ZNF470: variants seen among roughly 807,000 people sequenced by gnomAD.
The protein encoded by ZNF470 is zinc finger protein 470.
ZNF470 carries 13 observed loss-of-function variants against 13.9 expected under a neutral mutation model. The observed-to-expected ratio is 0.94, with a 90% confidence interval of 0.61 to 1.49. The LOEUF (loss-of-function observed/expected upper bound fraction) is 1.49. Ranked by LOEUF, ZNF470 falls within the 40% of genes most tolerant of loss-of-function variation. ZNF470 has a pLI of 0.00. For synonymous variants in ZNF470, 293 were observed against 282.9 expected (o/e 1.04, Z -0.36); for missense variants, 929 against 857.3 (o/e 1.08, Z -1.04).
At position 56,567,482 on chromosome 19, in the gene ZNF470, C is replaced by G. The variant is rs2044418910; in HGVS notation, c.-715C>G. On this transcript the variant is annotated 5_prime_UTR_variant, in exon 1 of 6. Coordinates refer to ENST00000330619, the MANE Select transcript of ZNF470 (RefSeq NM_001001668.4). ...AGGACACGCCCACTTCCGGAAAGGA[C>G]CCAAAGCCGGGCGAGTGCACGTCCC... 1.0e-6 allele frequency: 1 copy of G among 985,822 alleles called. No homozygotes were observed. The highest frequency in any genetic ancestry group is 4.7e-5 in the South Asian group (1 of 21,322). 61.1% of individuals were successfully genotyped at this position (985,822 alleles called of 1,614,324 possible).
In ZNF470 at chr19:56,579,391, C is replaced by G; in HGVS notation, c.*808C>G. ...GAGTCATGATCACACCACTGCAATT[C>G]CAGCTGGGCAGCAGAGCCAGACACT... On this transcript the variant is annotated 3_prime_UTR_variant, in exon 6 of 6. Coordinates refer to ENST00000330619, the MANE Select transcript of ZNF470 (RefSeq NM_001001668.4). 6 of 960,476 alleles carry G rather than the reference C, an allele frequency of 6.2e-6. No individual in the cohort carries two copies. The highest frequency in any genetic ancestry group is 1.8e-5 in the African/African-American group (1 of 56,850). 59.5% of individuals were successfully genotyped at this position (960,476 alleles called of 1,614,324 possible).
At chr19:56,573,855 C>A in intron 3 of ZNF470, 1 of 553,938 alleles carries the variant, frequency 1.8e-6, no homozygotes, top group South Asian at 8.0e-5. Flanking sequence ...TACAAATATA[C>A]TTTTATTTCA....
intron 1 of ZNF470, 91 bp downstream of exon 1, chr19:56,568,129 TC>T: frequency 2.2e-5 from 22 of 985,122 alleles, no homozygotes; most frequent in Non-Finnish European, 2.7e-5. Context: ...GAGGAGGATG[TC>T]CCCCGTTTCT....
intron 5 of ZNF470, 32 bp from the exon 6 acceptor site, chr19:56,576,681 A>G: frequency 2.9e-6 from 4 of 1,371,736 alleles, no homozygotes; most frequent in Non-Finnish European, 1.9e-6. Context: ...GCATTTAATA[A>G]AGGAGACATT....
At position 56,577,889 on chromosome 19, in the gene ZNF470, G is replaced by T; in HGVS notation, c.1460G>T (p.Gly487Val). The T allele has an allele frequency of 6.2e-7, 1 of 1,613,880 alleles. No individual in the cohort carries two copies. The highest frequency in any genetic ancestry group is 1.1e-5 in the South Asian group (1 of 91,074). The part of the protein sequence containing the change: ...GEKPYECKEC[G>V]KAFRQSTHLA... ...AAACCCTATGAATGTAAAGAATGTG[G>T]GAAAGCTTTCCGGCAGAGCACGCAT... Residue 487 changes from glycine to valine, a missense_variant, in exon 6 of 6, where the codon GGG (glycine) becomes GTG (valine). Gly to Val is a moderately radical substitution (Grantham distance 109). Coordinates refer to ENST00000330619, the MANE Select transcript of ZNF470 (RefSeq NM_001001668.4).
At chr19:56,570,596 T>A (rs1447458430) in intron 3 of ZNF470, among the ~76,000 whole-genome samples, 1 of 152,180 alleles carries the variant, frequency 6.6e-6, no homozygotes, top group Admixed American at 6.5e-5. Context: ...TGTTTATTTT[T>A]CATTCAGGAA....
rs1312429504 is a variant in ZNF470, at chr19:56,567,561, T to A, written c.-636T>A. On this transcript the variant is annotated 5_prime_UTR_variant, in exon 1 of 6. Coordinates refer to ENST00000330619, the MANE Select transcript of ZNF470 (RefSeq NM_001001668.4). ...GGCGGGGCAGCGGCCGAGGCTGGACTGGGGCGCGGCGGGGGCGGTGTCCTG... is the reference window on the plus strand; with the variant it reads ...GGCGGGGCAGCGGCCGAGGCTGGACAGGGGCGCGGCGGGGGCGGTGTCCTG... The A allele has an allele frequency of 3.0e-6, 3 of 986,824 alleles. No homozygotes were observed. Among genetic ancestry groups the A allele is most frequent in the Non-Finnish European group, 3.6e-6 (3 of 831,120 alleles). 61.1% of individuals were successfully genotyped at this position (986,824 alleles called of 1,614,324 possible).
chr19:56,571,969 C>G (rs958817569), intron 3 of ZNF470, among the ~76,000 whole-genome samples: 2 of 151,670 alleles, frequency 1.3e-5, no homozygotes, highest in Admixed American at 6.6e-5. Context: ...AGCATGACAC[C>G]TTTTCTTAGG....
rs1828049242 is a variant in ZNF470, at chr19:56,581,924, G to T, written c.*3341G>T. 2.0e-6 allele frequency: 2 copies of T among 985,214 alleles called. No homozygotes were observed. Among genetic ancestry groups the T allele is most frequent in the South Asian group, 9.4e-5 (2 of 21,292 alleles). 61.0% of individuals were successfully genotyped at this position (985,214 alleles called of 1,614,324 possible). A position where few individuals can be genotyped will look rare whatever the true frequency, so the allele number is the denominator to read the frequency against. ...TTGATTGGTCCTTGGAACCACCCTGGTTTTTGTACTTTCCAAGTCTGTGAT... is the reference window on the plus strand; with the variant it reads ...TTGATTGGTCCTTGGAACCACCCTGTTTTTTGTACTTTCCAAGTCTGTGAT... On this transcript the variant is annotated 3_prime_UTR_variant, in exon 6 of 6. Transcript: ENST00000330619.
rs141373983 is a variant in ZNF470 at position 56,577,583 on chromosome 19, G to T, written c.1154G>T (p.Arg385Leu). The T allele has an allele frequency of 4.4e-4, 718 of 1,613,912 alleles. No individual in the cohort carries two copies. Among genetic ancestry groups the T allele is most frequent in the Non-Finnish European group, 3.9e-4 (464 of 1,179,960 alleles). The change falls in exon 6 of 6, where the codon CGT becomes CTT. Residue 385 changes from arginine to leucine, a missense_variant. By Grantham distance (102) the Arg-to-Leu change is moderately radical. Coordinates refer to ENST00000330619, the MANE Select transcript of ZNF470 (RefSeq NM_001001668.4). ...KAFRQNASLI[R>L]HRRYYHTGEK... ...TTCAGGCAGAATGCTTCTCTTATAC[G>T]TCATCGGCGATATTATCATACTGGA...
Position 56,578,092 on chromosome 19 carries a change from C to T in ZNF470, c.1663C>T (p.His555Tyr), listed in dbSNP as rs2044506139. 1 of 1,614,032 alleles carries T rather than the reference C, an allele frequency of 6.2e-7. No individual in the cohort carries two copies. The highest frequency in any genetic ancestry group is 8.5e-7 in the Non-Finnish European group (1 of 1,179,992). ...AFSQIAHLVQ[H>Y]QRVHTGEKPY... is the part of the protein sequence containing the mutation. Reference sequence around the variant, plus strand: ...CAGTCAGATTGCACACCTTGTTCAGCACCAGAGAGTTCATACTGGTGAGAA... The same window carrying T: ...CAGTCAGATTGCACACCTTGTTCAGTACCAGAGAGTTCATACTGGTGAGAA... The change falls in exon 6 of 6, where the codon CAC (histidine) becomes TAC (tyrosine). Residue 555 changes from histidine to tyrosine, a missense_variant. By Grantham distance (83) the His-to-Tyr change is moderately conservative. Transcript: ENST00000330619.
At chr19:56,569,344 T>C (rs543835817) in intron 2 of ZNF470, among the ~76,000 whole-genome samples, 1 of 152,188 alleles carries the variant, frequency 6.6e-6, no homozygotes, top group Admixed American at 6.5e-5. Context: ...GCAAGTCACA[T>C]GGACTCTGTT....
intron 3 of ZNF470, among the ~76,000 whole-genome samples, chr19:56,571,068 T>C (rs2044448527): frequency 6.6e-6 from 1 of 152,164 alleles, no homozygotes; most frequent in South Asian, 2.1e-4. Context: ...GATTCCTGAG[T>C]TACGCCTTGA....
intron 3 of ZNF470, chr19:56,574,129 A>G (rs1023491839): frequency 2.6e-5 from 8 of 304,452 alleles, no homozygotes; most frequent in African/African-American, 1.1e-4. Context: ...GCATTTTTTC[A>G]TTGGTAATGT....
rs2044513628 is a variant in ZNF470 at position 56,578,780 on chromosome 19, T to G, written c.*197T>G. 1.6e-6 allele frequency: 2 copies of G among 1,242,156 alleles called. No individual in the cohort carries two copies. The highest frequency in any genetic ancestry group is 3.7e-5 in the South Asian group (1 of 26,708). The allele number at this position is 1,242,156 out of a possible 1,614,324, so 76.9% of individuals were successfully genotyped here. On this transcript the variant is annotated 3_prime_UTR_variant, in exon 6 of 6. Coordinates refer to ENST00000330619, the MANE Select transcript of ZNF470 (RefSeq NM_001001668.4). ...AATAAAAATACATAATTTATGTTAT[T>G]TTCCCATTTAAAACACTTGATTTGA...
intron 3 of ZNF470, 29 bp downstream of exon 3, chr19:56,570,400 A>G (rs148153735): frequency 1.8e-4 from 282 of 1,610,392 alleles, no homozygotes; most frequent in Middle Eastern, 8.3e-4. Flanking sequence ...TCTCCCCACT[A>G]AAATAGTTTT....
At position 56,578,861 on chromosome 19, in the gene ZNF470, T is replaced by G; in HGVS notation, c.*278T>G. ...TTAGCACACACTGGCATATAGTTAT[T>G]GCTAAATAAATGCTAGCCATTAAGG... On this transcript the variant is annotated 3_prime_UTR_variant, in exon 6 of 6. Transcript: ENST00000330619. 8.8e-7 allele frequency: 1 copy of G among 1,130,536 alleles called. No individual in the cohort carries two copies. Among genetic ancestry groups the G allele is most frequent in the Non-Finnish European group, 1.1e-6 (1 of 922,872 alleles). 70.0% of individuals were successfully genotyped at this position (1,130,536 alleles called of 1,614,324 possible). A position where few individuals can be genotyped will look rare whatever the true frequency, so the allele number is the denominator to read the frequency against.
In ZNF470 at chr19:56,582,209, G is replaced by A; in HGVS notation, c.*3626G>A. 8.1e-6 allele frequency: 8 copies of A among 985,390 alleles called. No homozygotes were observed. The highest frequency in any genetic ancestry group is 8.4e-6 in the Non-Finnish European group (7 of 829,930). The allele number at this position is 985,390 out of a possible 1,614,324, so 61.0% of individuals were successfully genotyped here. A position where few individuals can be genotyped will look rare whatever the true frequency, so the allele number is the denominator to read the frequency against. On this transcript the variant is annotated 3_prime_UTR_variant, in exon 6 of 6. Coordinates refer to ENST00000330619, the MANE Select transcript of ZNF470 (RefSeq NM_001001668.4). ...TCATTATAGTCACCTGGGATGAATA[G>A]AGGTCTAGGGTTCTGGATAATGATA...
In ZNF470 at chr19:56,580,860, G is replaced by A. The variant is rs917751759; in HGVS notation, c.*2277G>A. 8.1e-6 allele frequency: 8 copies of A among 985,044 alleles called. No homozygotes were observed. The highest frequency in any genetic ancestry group is 5.2e-4 in the Middle Eastern group (1 of 1,936). The allele number at this position is 985,044 out of a possible 1,614,324, so 61.0% of individuals were successfully genotyped here. A position where few individuals can be genotyped will look rare whatever the true frequency, so the allele number is the denominator to read the frequency against. On this transcript the variant is annotated 3_prime_UTR_variant, in exon 6 of 6. Transcript: ENST00000330619. ...TTTTTCATTGTAGTGGGGAAAAGGTGGTTTGATCAAATGGCATTGGGAAAC... is the reference window on the plus strand; with the variant it reads ...TTTTTCATTGTAGTGGGGAAAAGGTAGTTTGATCAAATGGCATTGGGAAAC...
Sources: allele counts gnomAD v4.1 joint callset (sites outside exome capture counted in the v4.1 genomes callset), GRCh38; gene constraint gnomAD v4.1.1; transcripts MANE v1.5; gene names NCBI Gene and HGNC (gene_info 2026-07-23, HGNC 2026-07-21).